Variants in PRRC2B observed in about 807,000 individuals in gnomAD.
The protein encoded by PRRC2B is protein PRRC2B.
In PRRC2B, 68 loss-of-function variants were observed where a neutral mutation model predicts 242.3. The observed-to-expected ratio is 0.28, with a 90% confidence interval of 0.23 to 0.34. The LOEUF is 0.34. Among genes scored for constraint, PRRC2B ranks in the 10% least tolerant of loss-of-function variants. The pLI is 1.00. For synonymous variants in PRRC2B, 1,228 were observed against 1,173.6 expected, an observed-to-expected ratio of 1.05 and a Z score of -0.95; for missense variants, 2,835 against 2,954.8, an observed-to-expected ratio of 0.96 and a Z score of 0.94.
intron 1 of PRRC2B, among the ~76,000 whole-genome samples, chr9:131,395,688 C>T (rs1388658384): frequency 6.6e-6 from 1 of 152,160 alleles, no homozygotes; most frequent in Non-Finnish European, 1.5e-5. Context: ...CCAAACTGTG[C>T]CCATGGATGC....
At chr9:131,479,164 A>G (rs1943788764) in intron 18 of PRRC2B, 88 bp from the exon 19 acceptor site, 2 of 1,389,870 alleles carry the variant, frequency 1.4e-6, no homozygotes, top group South Asian at 1.3e-5. Flanking sequence ...AGGTGGTGTG[A>G]TTTTTGGTAC....
intron 1 of PRRC2B, among the ~76,000 whole-genome samples, chr9:131,403,121 A>G (rs1837268999): frequency 6.6e-6 from 1 of 152,104 alleles, no homozygotes; most frequent in Non-Finnish European, 1.5e-5. Flanking sequence ...GAGCTTAAAG[A>G]ACAGCTGTGT....
At chr9:131,375,390 C>T (rs1424474038) in intron 1 of PRRC2B, among the ~76,000 whole-genome samples, 1 of 151,814 alleles carries the variant, frequency 6.6e-6, no homozygotes, top group African/African-American at 2.4e-5. Context: ...CAGAGCAAGA[C>T]TCTGTCTCAA....
chr9:131,443,300 AT>A (rs1349645422), intron 5 of PRRC2B, among the ~76,000 whole-genome samples: 3 of 137,414 alleles, frequency 2.2e-5, no homozygotes, highest in African/African-American at 5.5e-5. Flanking sequence ...CGTCTGGCTA[AT>A]TTTTTTTTGT....
chr9:131,462,653 C>G (rs928169249), intron 11 of PRRC2B, among the ~76,000 whole-genome samples: 5 of 151,468 alleles, frequency 3.3e-5, no homozygotes, highest in African/African-American at 1.2e-4. Flanking sequence ...GCCTGACCAA[C>G]ATGGTGAAAC....
chr9:131,456,378 T>C (rs1943077509), intron 10 of PRRC2B, among the ~76,000 whole-genome samples: 1 of 151,966 alleles, frequency 6.6e-6, no homozygotes, highest in Non-Finnish European at 1.5e-5. Context: ...ACGCCTGTAA[T>C]CCTAGCACTT....
At chr9:131,426,987 G>C (rs1837992991) in intron 1 of PRRC2B, among the ~76,000 whole-genome samples, 1 of 152,230 alleles carries the variant, frequency 6.6e-6, no homozygotes, top group Admixed American at 6.5e-5. Flanking sequence ...CTGAAGCCAT[G>C]TGGGGCGGAG....
At chr9:131,492,310 G>C in intron 30 of PRRC2B, 50 bp downstream of exon 30, 1 of 1,465,194 alleles carries the variant, frequency 6.8e-7, no homozygotes, top group Admixed American at 1.7e-5. Context: ...GCAGTTGCCA[G>C]AGCTGCGGCC....
chr9:131,487,709 C>A lies in PRRC2B; in HGVS notation c.5985-147C>A. The A allele has an allele frequency of 9.6e-7, 1 of 1,044,418 alleles. No homozygotes were observed. The highest frequency in any genetic ancestry group is 1.4e-6 in the Non-Finnish European group (1 of 738,994). The allele number at this position is 1,044,418 out of a possible 1,614,324, so 64.7% of individuals were successfully genotyped here. On this transcript the variant is annotated intron_variant, in intron 27 of 31. Transcript: ENST00000683519. This position sits in a 1 kb window ranked among gnomAD's most constrained non-coding sequence, Gnocchi z 5.3. ...CGCCATCTAGGAGCTTGTTCTCAGG[C>A]CCCATCCTGGACCCTCTGAGTCGCG...
At chr9:131,406,522 G>A (rs993254131) in intron 1 of PRRC2B, among the ~76,000 whole-genome samples, 1 of 152,166 alleles carries the variant, frequency 6.6e-6, no homozygotes, top group African/African-American at 2.4e-5. Context: ...ACCTCAGGCC[G>A]ACAGGAGTGT....
chr9:131,474,604 A>T lies in PRRC2B; in HGVS notation c.2475A>T (p.Ile825=), dbSNP rs375440630. 16 of 1,613,926 alleles carry T rather than the reference A, an allele frequency of 9.9e-6. No individual in the cohort carries two copies. The highest frequency in any genetic ancestry group is 1.4e-5 in the Non-Finnish European group (16 of 1,179,904). Residue 825 remains isoleucine, a synonymous_variant, in exon 16 of 32, where the codon ATA becomes ATT. Transcript: ENST00000683519. ...DFDSCISSQR[I]GQELLFPPQE... is the part of the protein sequence containing the mutation. ...ACAGCTGTATCTCTTCTCAAAGAAT[A>T]GGCCAGGAGCTTTTGTTTCCACCCC...
intron 10 of PRRC2B, among the ~76,000 whole-genome samples, chr9:131,456,445 C>T (rs1266819812): frequency 1.3e-5 from 2 of 151,768 alleles, no homozygotes; most frequent in East Asian, 3.9e-4. Flanking sequence ...TCCTGGCTAA[C>T]ACAGTGAAAC....
chr9:131,373,991 G>T (rs1293087659), intron 1 of PRRC2B, among the ~76,000 whole-genome samples: 1 of 151,528 alleles, frequency 6.6e-6, no homozygotes, highest in Admixed American at 6.6e-5. Context: ...CCCGGGAGGC[G>T]GAGCTTGCAG....
chr9:131,479,785 C>T (rs551763397), intron 19 of PRRC2B, among the ~76,000 whole-genome samples: 2 of 152,290 alleles, frequency 1.3e-5, no homozygotes, highest in South Asian at 4.1e-4. Context: ...CAGGAGCTCT[C>T]TTCTGTGCTG....
At chr9:131,411,589 C>T (rs910830816) in intron 1 of PRRC2B, among the ~76,000 whole-genome samples, 29 of 152,018 alleles carry the variant, frequency 1.9e-4, no homozygotes, top group Non-Finnish European at 2.9e-4. Context: ...GTGATCCGCC[C>T]GCCTCGGCCT....
intron 6 of PRRC2B, among the ~76,000 whole-genome samples, chr9:131,444,994 G>C (rs1484437529): frequency 1.3e-5 from 2 of 152,070 alleles, no homozygotes; most frequent in Non-Finnish European, 2.9e-5. Context: ...GTCTTGATCA[G>C]GTCTTAAATT....
At chr9:131,432,519 T>C (rs999066395) in intron 2 of PRRC2B, 98 bp from the exon 3 acceptor site, 87 of 1,196,576 alleles carry the variant, frequency 7.3e-5, no homozygotes, top group Admixed American at 4.0e-4. Context: ...AGCTTTGTTA[T>C]GATCACTTAG....
intron 11 of PRRC2B, among the ~76,000 whole-genome samples, chr9:131,460,179 A>C (rs1031229222): frequency 2.6e-5 from 4 of 152,314 alleles, no homozygotes; most frequent in African/African-American, 2.4e-5. Flanking sequence ...CCAGGAAATT[A>C]GCCTTGATAA....
Position 131,469,270 on chromosome 9 carries a change from G to A in PRRC2B, c.1911+1517G>A, listed in dbSNP as rs138243270. ...AATCGCTTGCACCCAGGAGGTGGAG[G>A]TTGCAGTGAGCCGTGGTCGCACCAC... On this transcript the variant is annotated intron_variant, in intron 13 of 31. Transcript: ENST00000683519. 9.5e-3 allele frequency among the ~76,000 whole-genome samples: 1,453 copies of A among 152,298 alleles called. 28 individuals are homozygous for A. The highest frequency in any genetic ancestry group is 0.033 in the African/African-American group (1,375 of 41,540).
Sources: allele counts gnomAD v4.1 joint callset (sites outside exome capture counted in the v4.1 genomes callset), GRCh38; gene constraint gnomAD v4.1.1; non-coding constraint Gnocchi (gnomAD v3.1); transcripts MANE v1.5; gene names NCBI Gene and HGNC (gene_info 2026-07-23, HGNC 2026-07-21).